Variants in SOHLH2 observed in about 807,000 individuals in gnomAD.
The protein encoded by SOHLH2 is spermatogenesis- and oogenesis-specific basic helix-loop-helix-containing protein 2.
A neutral mutation model predicts 50.4 loss-of-function variants in SOHLH2; 22 were observed. The observed-to-expected ratio is 0.44, with a 90% CI of 0.31 to 0.62. SOHLH2 has a LOEUF of 0.62. Among genes scored for constraint, SOHLH2 ranks in the 20% least tolerant of loss-of-function variants. SOHLH2 has a pLI of 0.08. For missense variants in SOHLH2, 412 were observed against 504.4 expected, an observed-to-expected ratio of 0.82 and a Z score of 1.76; for synonymous variants, 185 against 187.3, an observed-to-expected ratio of 0.99 and a Z score of 0.10.
At chr13:36,177,559 G>C (rs936625486) in intron 6 of SOHLH2, among the ~76,000 whole-genome samples, 3 of 152,016 alleles carry the variant, frequency 2.0e-5, no homozygotes, top group Non-Finnish European at 4.4e-5. Flanking sequence ...CCAAATCTTT[G>C]ATGATATTTA....
At chr13:36,174,378 A>G in intron 8 of SOHLH2, 98 bp downstream of exon 8, 2 of 1,512,086 alleles carry the variant, frequency 1.3e-6, no homozygotes, top group South Asian at 1.2e-5. Context: ...AAGCCCCTGC[A>G]CTTTCACTGT....
At chr13:36,195,530 C>T (rs968046026) in intron 2 of SOHLH2, among the ~76,000 whole-genome samples, 2 of 152,064 alleles carry the variant, frequency 1.3e-5, no homozygotes, top group African/African-American at 2.4e-5. Flanking sequence ...AAATGGGCAA[C>T]GGAAAGCTAT....
At chr13:36,202,143 G>C (rs926399091) in intron 1 of SOHLH2, 50 bp from the exon 2 acceptor site, 2 of 1,601,938 alleles carry the variant, frequency 1.2e-6, no homozygotes, top group Non-Finnish European at 1.7e-6. Context: ...CTAGGCATAG[G>C]GAAAATGTCA....
intron 2 of SOHLH2, among the ~76,000 whole-genome samples, chr13:36,197,862 T>C (rs529384876): frequency 4.3e-4 from 66 of 152,332 alleles, no homozygotes; most frequent in African/African-American, 1.6e-3. Context: ...TGGAGTTGTC[T>C]TCAGTTCCTA....
chr13:36,214,541 T>TG lies in SOHLH2; in HGVS notation c.-16dup, dbSNP rs578159534. The TG allele has an allele frequency of 1.0e-3, 1,601 of 1,608,928 alleles. 22 individuals are homozygous for TG. Among genetic ancestry groups the TG allele is most frequent in the Non-Finnish European group, 9.3e-5 (109 of 1,178,068 alleles). ...GAGGAAGCCATGGCCGCTGCGCACG[T>TG]GCTGGGTCCTGGGGCAGCCTCCCAG... On this transcript the variant is annotated 5_prime_UTR_variant, in exon 1 of 11. Coordinates refer to ENST00000379881, the MANE Select transcript of SOHLH2 (RefSeq NM_017826.3).
chr13:36,178,155 T>C (rs977890365), intron 6 of SOHLH2, among the ~76,000 whole-genome samples: 1 of 152,068 alleles, frequency 6.6e-6, no homozygotes, highest in Admixed American at 6.5e-5. Flanking sequence ...AATAACCACA[T>C]GTTGCTAGTG....
At position 36,168,991 on chromosome 13, in the gene SOHLH2, C is replaced by T. The variant is rs1000829294; in HGVS notation, c.*43G>A. On this transcript the variant is annotated 3_prime_UTR_variant, in exon 11 of 11. Coordinates refer to ENST00000379881, the MANE Select transcript of SOHLH2 (RefSeq NM_017826.3). ...CCACTTTTCCTAGATTGTCAAACTG[C>T]GCCCAGTAGGTGGTTGAGAGTGTGA... 6.9e-6 allele frequency: 11 copies of T among 1,585,718 alleles called. No individual in the cohort carries two copies. Among genetic ancestry groups the T allele is most frequent in the East Asian group, 2.3e-5 (1 of 43,258 alleles).
intron 2 of SOHLH2, among the ~76,000 whole-genome samples, chr13:36,197,891 T>A (rs547862280): frequency 6.6e-6 from 1 of 152,298 alleles, no homozygotes; most frequent in South Asian, 2.1e-4. Flanking sequence ...CTCCACCAAT[T>A]CGTAGGACAA....
At chr13:36,195,502 A>C (rs1887699416) in intron 2 of SOHLH2, among the ~76,000 whole-genome samples, 1 of 152,128 alleles carries the variant, frequency 6.6e-6, no homozygotes, top group Non-Finnish European at 1.5e-5. Flanking sequence ...GCCACAGGAA[A>C]GGTTTGGTAT....
intron 1 of SOHLH2, among the ~76,000 whole-genome samples, chr13:36,205,024 G>A (rs751213420): frequency 2.0e-5 from 3 of 152,116 alleles, no homozygotes; most frequent in Non-Finnish European, 4.4e-5. Context: ...AACCTTTGGA[G>A]GTCACTGTGA....
At chr13:36,175,469 G>T (rs994922549) in intron 6 of SOHLH2, among the ~76,000 whole-genome samples, 45 of 152,162 alleles carry the variant, frequency 3.0e-4, no homozygotes, top group African/African-American at 1.1e-3. Flanking sequence ...CAGGATGCAG[G>T]TATCAGAAAG....
At chr13:36,212,528 A>C (rs894877646) in intron 1 of SOHLH2, among the ~76,000 whole-genome samples, 5 of 152,206 alleles carry the variant, frequency 3.3e-5, no homozygotes, top group African/African-American at 1.2e-4. Context: ...AAAAGGAATA[A>C]ATGTTTCTAG....
rs933120659 is a variant in SOHLH2 at position 36,206,556 on chromosome 13, A to T, written c.49-4463T>A. Among the ~76,000 whole-genome samples the T allele has an allele frequency of 3.3e-5, 5 of 152,044 alleles. No individual in the cohort carries two copies. The East Asian group carries it at 9.6e-4, about 29-fold the overall frequency. On this transcript the variant is annotated intron_variant, in intron 1 of 10. Transcript: ENST00000379881. ...ATTGTCAACAATGAATGTGTCCTGCATGACATCTACTTTTTAAAATTTGTT... is the reference window on the plus strand; with the variant it reads ...ATTGTCAACAATGAATGTGTCCTGCTTGACATCTACTTTTTAAAATTTGTT...
At chr13:36,203,975 G>T (rs1868595268) in intron 1 of SOHLH2, among the ~76,000 whole-genome samples, 1 of 128,984 alleles carries the variant, frequency 7.8e-6, no homozygotes, top group African/African-American at 3.0e-5. Context: ...TTTTTTTGAG[G>T]AGTCTCACTC....
chr13:36,213,836 T>C (rs1052161848), intron 1 of SOHLH2, among the ~76,000 whole-genome samples: 11 of 151,972 alleles, frequency 7.2e-5, no homozygotes, highest in African/African-American at 2.7e-4. Context: ...AAACTGAAAA[T>C]AAGCATGCCC....
Position 36,170,750 on chromosome 13 carries a change from A to G in SOHLH2, c.1038T>C (p.Asp346=). ...SSSASENAIG[D]PYKTHISSAA... ...CACTGGAAATGTGAGTTTTATATGG[A>G]TCACCAATAGCATTCTCTGAGGCGG... Residue 346 remains aspartate (D), a synonymous_variant, in exon 10 of 11, where the codon GAT becomes GAC. Coordinates refer to ENST00000379881, the MANE Select transcript of SOHLH2 (RefSeq NM_017826.3). The G allele has an allele frequency of 6.2e-7, 1 of 1,614,184 alleles. No homozygotes were observed. The highest frequency in any genetic ancestry group is 8.5e-7 in the Non-Finnish European group (1 of 1,180,010).
chr13:36,175,711 A>G (rs1043455090), intron 6 of SOHLH2, among the ~76,000 whole-genome samples: 11 of 152,204 alleles, frequency 7.2e-5, no homozygotes, highest in African/African-American at 2.2e-4. Context: ...TGGCAGAGAA[A>G]TTATATTTAA....
intron 1 of SOHLH2, among the ~76,000 whole-genome samples, chr13:36,203,944 CT>C (rs1354640792): frequency 7.6e-6 from 1 of 131,136 alleles, no homozygotes. Context: ...GCCTTTAATT[CT>C]TTTTTTTTGT....
chr13:36,212,572 T>C (rs1011925403), intron 1 of SOHLH2, among the ~76,000 whole-genome samples: 1 of 152,232 alleles, frequency 6.6e-6, no homozygotes, highest in Admixed American at 6.5e-5. Flanking sequence ...TTTTAGTACA[T>C]CTAAGATTTT....
Sources: allele counts gnomAD v4.1 joint callset (sites outside exome capture counted in the v4.1 genomes callset), GRCh38; gene constraint gnomAD v4.1.1; transcripts MANE v1.5; gene names NCBI Gene and HGNC (gene_info 2026-07-23, HGNC 2026-07-21).